Variants in ADORA2A observed in about 807,000 individuals in gnomAD.
The protein encoded by ADORA2A is adenosine A2a receptor.
A neutral mutation model predicts 18.4 loss-of-function variants in ADORA2A; 11 were observed. The ratio of observed to expected loss-of-function variants is 0.60; its 90% CI spans 0.38 to 0.99. The LOEUF is 0.99. Ranked by LOEUF, ADORA2A falls within the 50% of genes least tolerant of loss-of-function variation. The probability of loss-of-function intolerance (pLI) is 0.01; values close to 1 mark genes in which losing one functional copy is unlikely to be tolerated. For synonymous variants in ADORA2A, 218 were observed against 237.3 expected (o/e 0.92, Z 0.75); for missense variants, 449 against 556.1 (o/e 0.81, Z 1.94).
chr22:24,428,916 G>A lies in ADORA2A; in HGVS notation c.-275+1170G>A, dbSNP rs555650005. On this transcript the variant is annotated intron_variant, in intron 1 of 2. Transcript: ENST00000337539. Reference sequence around the variant, plus strand: ...GGCCCAGCAGTTGGGGTGCTGCCAGGCCTGGTGGAGGTACTTGGTAAACAT... The same window carrying A: ...GGCCCAGCAGTTGGGGTGCTGCCAGACCTGGTGGAGGTACTTGGTAAACAT... 3.5e-4 allele frequency among the ~76,000 whole-genome samples: 54 copies of A among 152,362 alleles called. 2 individuals are homozygous for A. In the South Asian group the frequency reaches 0.011, roughly 30 times the overall value.
Position 24,440,860 on chromosome 22 carries a change from G to A in ADORA2A, c.610G>A (p.Ala204Thr). The A allele has an allele frequency of 6.2e-7, 1 of 1,614,224 alleles. No individual in the cohort carries two copies. ...TGTCTATTTGCGGATCTTCCTGGCG[G>A]CGCGACGACAGCTGAAGCAGATGGA... ...LGVYLRIFLAARRQLKQMESQ... is the reference protein window; with the variant it reads ...LGVYLRIFLATRRQLKQMESQ... The change falls in exon 3 of 3, where the codon GCG (alanine) becomes ACG (threonine). Residue 204 changes from alanine to threonine, a missense_variant. Physicochemically the swap from Ala to Thr is moderately conservative, Grantham distance 58. Transcript: ENST00000337539.
rs1203342580 is a variant in ADORA2A at position 24,433,708 on chromosome 22, C to G, written c.304C>G (p.Arg102Gly). 2 of 1,608,832 alleles carry G rather than the reference C, an allele frequency of 1.2e-6. No homozygotes were observed. The highest frequency in any genetic ancestry group is 1.3e-5 in the African/African-American group (1 of 74,944). ...IFSLLAIAIDRYIAIRIPLRY... is the reference protein window; with the variant it reads ...IFSLLAIAIDGYIAIRIPLRY... ...CAGTCTCCTGGCCATCGCCATTGACCGCTACATTGCCATCCGCATCCCGCT... is the reference window on the plus strand; with the variant it reads ...CAGTCTCCTGGCCATCGCCATTGACGGCTACATTGCCATCCGCATCCCGCT... Residue 102 changes from arginine (R) to glycine (G), a missense_variant, in exon 2 of 3, where the codon CGC (arginine) becomes GGC (glycine). Coordinates refer to ENST00000337539, the MANE Select transcript of ADORA2A (RefSeq NM_000675.6).
chr22:24,433,319 G>T lies in ADORA2A; in HGVS notation c.-86G>T. On this transcript the variant is annotated 5_prime_UTR_variant, in exon 2 of 3. Coordinates refer to ENST00000337539, the MANE Select transcript of ADORA2A (RefSeq NM_000675.6). ...GGCCCCTCCGCCTGGGCCGGGCTGG[G>T]AGCCAGGCGGGCGGCTGGGCTGCAG... 2.2e-6 allele frequency: 3 copies of T among 1,358,376 alleles called. No homozygotes were observed. The highest frequency in any genetic ancestry group is 3.0e-6 in the Non-Finnish European group (3 of 996,828). 84.1% of individuals were successfully genotyped at this position (1,358,376 alleles called of 1,614,324 possible). A position where few individuals can be genotyped will look rare whatever the true frequency, so the allele number is the denominator to read the frequency against.
rs201332411 is a variant in ADORA2A, at chr22:24,440,672, T to C, written c.422T>C (p.Leu141Pro). Residue 141 changes from leucine to proline, a missense_variant, in exon 3 of 3, where the codon CTA (leucine) becomes CCA (proline). Coordinates refer to ENST00000337539, the MANE Select transcript of ADORA2A (RefSeq NM_000675.6). ...LSFAIGLTPM[L>P]GWNNCGQPKE... ...TTTGCCATCGGCCTGACTCCCATGC[T>C]AGGTTGGAACAACTGCGGTCAGCCA... The C allele has an allele frequency of 3.7e-6, 6 of 1,612,866 alleles. No individual in the cohort carries two copies. Among genetic ancestry groups the C allele is most frequent in the Non-Finnish European group, 5.1e-6 (6 of 1,178,962 alleles).
At chr22:24,435,089 C>T (rs1245553510) in intron 2 of ADORA2A, among the ~76,000 whole-genome samples, 1 of 152,208 alleles carries the variant, frequency 6.6e-6, no homozygotes, top group Non-Finnish European at 1.5e-5. Flanking sequence ...ATCTGGACCT[C>T]ACACTGCCCT....
chr22:24,435,806 A>G (rs2043159390), intron 2 of ADORA2A, among the ~76,000 whole-genome samples: 1 of 152,044 alleles, frequency 6.6e-6, no homozygotes, highest in Admixed American at 6.5e-5. Flanking sequence ...ACTTCCTTGG[A>G]GCTGGACCTT....
intron 1 of ADORA2A, chr22:24,432,579 G>C (rs570769135): frequency 2.0e-5 from 3 of 152,524 alleles, no homozygotes; most frequent in Admixed American, 2.0e-4. Context: ...AGCATGGGGG[G>C]GCCAACACTG....
rs200880409 is a variant in ADORA2A at position 24,441,540 on chromosome 22, G to A, written c.*51G>A. The A allele has an allele frequency of 3.4e-6, 5 of 1,455,094 alleles. No individual in the cohort carries two copies. In the African/African-American group the frequency reaches 7.1e-5, roughly 21 times the overall value. The allele number at this position is 1,455,094 out of a possible 1,614,324, so 90.1% of individuals were successfully genotyped here. ...AAGGGAAGGAGATCTTTATCTTTCT[G>A]GTTGGCTTGACCAGTCACGTTGGGA... On this transcript the variant is annotated 3_prime_UTR_variant, in exon 3 of 3. Transcript: ENST00000337539.
intron 1 of ADORA2A, among the ~76,000 whole-genome samples, chr22:24,428,583 T>A (rs2042955063): frequency 6.6e-6 from 1 of 152,262 alleles, no homozygotes; most frequent in Non-Finnish European, 1.5e-5. Flanking sequence ...CTTTGGAGAT[T>A]CTAAAGGTCT....
chr22:24,429,509 A>G (rs2146870108), intron 1 of ADORA2A: 1 of 152,378 alleles, frequency 6.6e-6, no homozygotes, highest in South Asian at 2.1e-4. Context: ...AGAGAGGGAT[A>G]GGAAATTGCC....
Position 24,433,563 on chromosome 22 carries a change from C to T in ADORA2A, c.159C>T (p.Ile53=), listed in dbSNP as rs746959791. 2.3e-5 allele frequency: 37 copies of T among 1,613,974 alleles called. No homozygotes were observed. The highest frequency in any genetic ancestry group is 3.1e-5 in the Non-Finnish European group (37 of 1,180,054). ...TGGTGTCACTGGCGGCGGCCGACATCGCAGTGGGTGTGCTCGCCATCCCCT... is the reference window on the plus strand; with the variant it reads ...TGGTGTCACTGGCGGCGGCCGACATTGCAGTGGGTGTGCTCGCCATCCCCT... The part of the protein sequence containing the change: ...YFVVSLAAAD[I]AVGVLAIPFA... Residue 53 remains isoleucine, a synonymous_variant, in exon 2 of 3, where the codon ATC becomes ATT. Coordinates refer to ENST00000337539, the MANE Select transcript of ADORA2A (RefSeq NM_000675.6).
intron 2 of ADORA2A, among the ~76,000 whole-genome samples, chr22:24,435,911 C>T (rs566484446): frequency 1.2e-4 from 19 of 152,228 alleles, no homozygotes; most frequent in Admixed American, 2.6e-4. Context: ...GAGAGGATGA[C>T]GACGATGATG....
In ADORA2A at chr22:24,433,482, G is replaced by A. The variant is rs1455738619; in HGVS notation, c.78G>A (p.Leu26=). 1 of 1,614,170 alleles carries A rather than the reference G, an allele frequency of 6.2e-7. No individual in the cohort carries two copies. The highest frequency in any genetic ancestry group is 1.7e-5 in the Admixed American group (1 of 60,028). The part of the protein sequence containing the change: ...IAVLAILGNV[L]VCWAVWLNSN... ...TGCTGGCCATCCTGGGCAATGTGCT[G>A]GTGTGCTGGGCCGTGTGGCTCAACA... Residue 26 remains leucine (L), a synonymous_variant, in exon 2 of 3, where the codon CTG becomes CTA. Coordinates refer to ENST00000337539, the MANE Select transcript of ADORA2A (RefSeq NM_000675.6).
intron 2 of ADORA2A, among the ~76,000 whole-genome samples, chr22:24,440,297 CCCAGGA>C (rs528940818): frequency 2.5e-4 from 38 of 152,354 alleles, no homozygotes; most frequent in African/African-American, 7.7e-4. Context: ...CAAACTAAGT[CCCAGGA>C]CTACTCCGAA....
At chr22:24,432,190 C>T (rs1349109755) in intron 1 of ADORA2A, 1 of 153,110 alleles carries the variant, frequency 6.5e-6, no homozygotes, top group Middle Eastern at 3.1e-3. Flanking sequence ...AGCGCCGCCC[C>T]TGCCCTGACT....
At chr22:24,425,337 A>ACTCCCCCCC (rs1568940744), upstream of ADORA2A, among the ~76,000 whole-genome samples, 16 of 82,316 alleles carry the variant, frequency 1.9e-4, no homozygotes, top group South Asian at 4.1e-4. Context: ...TGTGGGCAGC[A>ACTCCCCCCC]CCCCCCCCCC....
At chr22:24,424,179 C>T (rs1353731785), upstream of ADORA2A, among the ~76,000 whole-genome samples, 1 of 152,000 alleles carries the variant, frequency 6.6e-6, no homozygotes, top group Non-Finnish European at 1.5e-5. This position sits in a 1 kb window ranked among gnomAD's most constrained non-coding sequence, Gnocchi z 4.9. Context: ...GCGGCGGCTG[C>T]CGGCACTGCC....
In ADORA2A at chr22:24,434,415, T is replaced by C. The variant is rs2043124019; in HGVS notation, c.332+679T>C. Among the ~76,000 whole-genome samples the C allele has an allele frequency of 2.0e-5, 3 of 152,234 alleles. No homozygotes were observed. The South Asian group carries it at 6.2e-4, about 32-fold the overall frequency. ...GGAGGGGATTTTTATGGTGAATCTT[T>C]TGTGAAGTGACTTCAGCCAAGTAAT... On this transcript the variant is annotated intron_variant, in intron 2 of 2. Transcript: ENST00000337539.
Position 24,440,715 on chromosome 22 carries a change from C to T in ADORA2A, c.465C>T (p.His155=), listed in dbSNP as rs2043317375. Reference sequence around the variant, plus strand: ...GTCAGCCAAAGGAGGGCAAGAACCACTCCCAGGGCTGCGGGGAGGGCCAAG... The same window carrying T: ...GTCAGCCAAAGGAGGGCAAGAACCATTCCCAGGGCTGCGGGGAGGGCCAAG... The part of the protein sequence containing the change: ...NCGQPKEGKN[H]SQGCGEGQVA... Residue 155 remains histidine, a synonymous_variant, in exon 3 of 3, where the codon CAC becomes CAT. Transcript: ENST00000337539. 5.6e-6 allele frequency: 9 copies of T among 1,614,188 alleles called. No individual in the cohort carries two copies. Among genetic ancestry groups the T allele is most frequent in the Middle Eastern group, 1.6e-4 (1 of 6,062 alleles).
Sources: allele counts gnomAD v4.1 joint callset (sites outside exome capture counted in the v4.1 genomes callset), GRCh38; gene constraint gnomAD v4.1.1; non-coding constraint Gnocchi (gnomAD v3.1); transcripts MANE v1.5; gene names NCBI Gene and HGNC (gene_info 2026-07-23, HGNC 2026-07-21).